The following CDH4 variants were observed in gnomAD, a reference collection of about 807,000 sequenced individuals.
CDH4 encodes cadherin 4.
CDH4 carries 33 observed loss-of-function variants against 86.0 expected under a neutral mutation model. The ratio of observed to expected loss-of-function variants is 0.38; its 90% CI spans 0.29 to 0.51. CDH4 has a LOEUF of 0.51. Ranked by LOEUF, CDH4 falls within the 20% of genes least tolerant of loss-of-function variation. CDH4 has a pLI of 0.86. For synonymous variants in CDH4, 555 were observed against 549.4 expected (o/e 1.01, Z -0.14); for missense variants, 1,114 against 1,307.4 (o/e 0.85, Z 2.28).
Position 61,934,103 on chromosome 20 carries a change from G to A in CDH4, c.2427G>A (p.Val809=). The part of the protein sequence containing the change: ...QLQQPEAMGH[V]PSKAPGVRRV... ...AGCAGCCGGAAGCCATGGGGCACGT[G>A]CCAAGCAAAGCCCCTGGCGTGCGTC... Residue 809 remains valine (V), a synonymous_variant, in exon 15 of 16, where the codon GTG becomes GTA. Coordinates refer to ENST00000614565, the MANE Select transcript of CDH4 (RefSeq NM_001794.5). 6.2e-7 allele frequency: 1 copy of A among 1,611,442 alleles called. No individual in the cohort carries two copies. Among genetic ancestry groups the A allele is most frequent in the Non-Finnish European group, 8.5e-7 (1 of 1,179,812 alleles).
Position 61,518,730 on chromosome 20 carries a change from CCAT to C in CDH4, c.170-224828_170-224826del, listed in dbSNP as rs2085844511. 6.6e-6 allele frequency among the ~76,000 whole-genome samples: 1 copy of C among 151,790 alleles called. No individual in the cohort carries two copies. Among genetic ancestry groups the C allele is most frequent in the African/African-American group, 2.4e-5 (1 of 41,394 alleles). Reference sequence around the variant, plus strand: ...TTCAATCATCCATCCGTTCATCCACCCATCATCCATTCATCCATCCATTCGTAC... The same window carrying C: ...TTCAATCATCCATCCGTTCATCCACCCATCCATTCATCCATCCATTCGTAC... On this transcript the variant is annotated intron_variant, in intron 2 of 15. Transcript: ENST00000614565. The surrounding 1 kb of genome is among the most constrained non-coding windows in gnomAD (Gnocchi z 6.3).
chr20:61,302,286 G>A (rs536198233), intron 2 of CDH4, among the ~76,000 whole-genome samples: 1 of 152,354 alleles, frequency 6.6e-6, no homozygotes, highest in African/African-American at 2.4e-5. Flanking sequence ...ACGTTCCTGT[G>A]TGTGCAGTCC....
intron 3 of CDH4, among the ~76,000 whole-genome samples, chr20:61,756,549 A>G (rs1446748054): frequency 1.4e-5 from 1 of 70,034 alleles, no homozygotes; most frequent in East Asian, 4.3e-4. Flanking sequence ...CATCCCCTGG[A>G]CCCTCCCTCA....
chr20:61,641,075 C>G (rs1366565395), intron 2 of CDH4, among the ~76,000 whole-genome samples: 3 of 152,126 alleles, frequency 2.0e-5, no homozygotes, highest in African/African-American at 7.2e-5. Flanking sequence ...CCATGTTTTC[C>G]CCAGCCCTGT....
chr20:61,442,175 G>T (rs1027417095), intron 2 of CDH4, among the ~76,000 whole-genome samples: 1 of 152,114 alleles, frequency 6.6e-6, no homozygotes, highest in Non-Finnish European at 1.5e-5. Context: ...CATAAGCGAG[G>T]ATGTATTTAA....
At chr20:61,455,490 G>A (rs1600692051) in intron 2 of CDH4, among the ~76,000 whole-genome samples, 2 of 152,200 alleles carry the variant, frequency 1.3e-5, no homozygotes, top group Non-Finnish European at 2.9e-5. Context: ...TCGCACTCCT[G>A]AAAAATTCAG....
At chr20:61,557,907 G>T (rs77453545) in intron 2 of CDH4, among the ~76,000 whole-genome samples, 5,155 of 152,126 alleles carry the variant, frequency 0.034, 289 homozygotes, top group African/African-American at 0.12. Flanking sequence ...GTGCACCGTC[G>T]CTGAATGAAT....
At chr20:61,890,654 G>A (rs950967939) in intron 7 of CDH4, among the ~76,000 whole-genome samples, 3 of 152,116 alleles carry the variant, frequency 2.0e-5, no homozygotes, top group African/African-American at 7.2e-5. Flanking sequence ...AAAGGAAGAA[G>A]GGGAGCAGGT....
chr20:61,620,233 GACAGACATA>G (rs1555815008), intron 2 of CDH4, among the ~76,000 whole-genome samples: 397 of 150,184 alleles, frequency 2.6e-3, no homozygotes, highest in East Asian at 4.1e-3. Flanking sequence ...TAGGCAGACA[GACAGACATA>G]GATGGGTAGA....
chr20:61,380,531 T>TTTTTCCCCCC (rs2084894574), intron 2 of CDH4, among the ~76,000 whole-genome samples: 1 of 148,840 alleles, frequency 6.7e-6, no homozygotes, highest in African/African-American at 2.5e-5. Context: ...CAAACCCCCC[T>TTTTTCCCCCC]GCCCCCTCCC....
At chr20:61,673,739 T>A (rs2145848717) in intron 2 of CDH4, among the ~76,000 whole-genome samples, 1 of 152,266 alleles carries the variant, frequency 6.6e-6, no homozygotes, top group African/African-American at 2.4e-5. Context: ...TCAAGAGACA[T>A]CATGAAATAA....
chr20:61,317,245 G>C (rs1174855813), intron 2 of CDH4, among the ~76,000 whole-genome samples: 1 of 152,056 alleles, frequency 6.6e-6, no homozygotes, highest in Admixed American at 6.5e-5. Context: ...AGCTGTGGTG[G>C]CGAGCGCCCG....
intron 2 of CDH4, among the ~76,000 whole-genome samples, chr20:61,455,218 A>G (rs1156933848): frequency 6.6e-6 from 1 of 152,226 alleles, no homozygotes. Flanking sequence ...ATACAGGAAG[A>G]TGAGATGGAA....
chr20:61,286,898 A>AAG (rs1384792050), intron 2 of CDH4, among the ~76,000 whole-genome samples: 1 of 152,194 alleles, frequency 6.6e-6, no homozygotes, highest in Non-Finnish European at 1.5e-5. Flanking sequence ...GGCCAGATGG[A>AAG]AGAATGGGCA....
intron 2 of CDH4, among the ~76,000 whole-genome samples, chr20:61,502,355 T>A (rs192332059): frequency 2.7e-3 from 413 of 152,278 alleles, no homozygotes; most frequent in Non-Finnish European, 4.9e-3. Flanking sequence ...TCTAAATCTT[T>A]AACATTTTCT....
intron 2 of CDH4, among the ~76,000 whole-genome samples, chr20:61,674,779 T>C (rs1459607796): frequency 3.3e-5 from 5 of 152,236 alleles, no homozygotes; most frequent in Non-Finnish European, 5.9e-5. Context: ...TTCATGCTGA[T>C]TGACTGCTCA....
intron 2 of CDH4, among the ~76,000 whole-genome samples, chr20:61,354,750 G>A (rs2084737216): frequency 6.6e-6 from 1 of 152,200 alleles, no homozygotes; most frequent in Admixed American, 6.5e-5. Flanking sequence ...GACCTCGTTG[G>A]CTTATCGTCC....
chr20:61,348,634 C>T (rs1207149772), intron 2 of CDH4, among the ~76,000 whole-genome samples: 1 of 152,172 alleles, frequency 6.6e-6, no homozygotes, highest in East Asian at 1.9e-4. Flanking sequence ...GTTTATGTAT[C>T]ATGATATCTT....
intron 2 of CDH4, among the ~76,000 whole-genome samples, chr20:61,367,867 C>CTTTTTTTTTTT (rs372521090): frequency 8.4e-6 from 1 of 119,078 alleles, no homozygotes. Context: ...TCTCCAGGAT[C>CTTTTTTTTTTT]TTTTTTTTTT....
Sources: allele counts gnomAD v4.1 joint callset (sites outside exome capture counted in the v4.1 genomes callset), GRCh38; gene constraint gnomAD v4.1.1; non-coding constraint Gnocchi (gnomAD v3.1); transcripts MANE v1.5; gene names NCBI Gene and HGNC (gene_info 2026-07-23, HGNC 2026-07-21).